YAP1: variants seen among roughly 807,000 people sequenced by gnomAD.
YAP1 encodes transcriptional coactivator YAP1.
In YAP1, 5 loss-of-function variants were observed where a neutral mutation model predicts 56.9. The ratio of observed to expected loss-of-function variants is 0.09; its 90% confidence interval spans 0.05 to 0.18. YAP1 has a LOEUF of 0.18. Ranked by LOEUF, YAP1 falls within the 10% of genes least tolerant of loss-of-function variation. The pLI, the probability that YAP1 is intolerant of heterozygous loss-of-function variation, is 1.00. For missense variants in YAP1, 539 were observed against 651.8 expected, an observed-to-expected ratio of 0.83 and a Z score of 1.88; for synonymous variants, 265 against 248.1, an observed-to-expected ratio of 1.07 and a Z score of -0.64.
intron 2 of YAP1, among the ~76,000 whole-genome samples, chr11:102,160,723 A>G: frequency 6.6e-6 from 1 of 152,172 alleles, no homozygotes; most frequent in Non-Finnish European, 1.5e-5. Flanking sequence ...GTAGTACGAG[A>G]ATTTGCTTAA....
rs895391865 is a variant in YAP1 at position 102,177,669 on chromosome 11, C to T, written c.689-8349C>T. Among the ~76,000 whole-genome samples the T allele has an allele frequency of 3.0e-4, 39 of 132,140 alleles. 1 individual carries two copies. The highest frequency in any genetic ancestry group is 2.2e-3 in the South Asian group (9 of 4,138). The allele number at this position is 132,140 out of a possible 152,430, so 86.7% of individuals were successfully genotyped here. ...TCTAGCCTGGCGACAGAGTGAGACT[C>T]GGTCTCAAAAAAAAAAAAAAAAAAA... On this transcript the variant is annotated intron_variant, in intron 3 of 8. Coordinates refer to ENST00000282441, the MANE Select transcript of YAP1 (RefSeq NM_001130145.3).
intron 3 of YAP1, 28 bp downstream of exon 3, chr11:102,162,599 A>G (rs1946355833): frequency 1.3e-6 from 2 of 1,591,012 alleles, no homozygotes; most frequent in Non-Finnish European, 8.6e-7. Flanking sequence ...ATTACAGCAC[A>G]TGGAGTAATG....
chr11:102,123,646 C>T (rs7120744), intron 2 of YAP1, among the ~76,000 whole-genome samples: 141,727 of 142,220 alleles, frequency 1, 70,622 homozygotes, highest in African/African-American at 1. Context: ...TTTTTTTTTT[C>T]TTTTTTTTTT....
At chr11:102,165,015 G>A (rs1327974469) in intron 3 of YAP1, among the ~76,000 whole-genome samples, 2 of 152,142 alleles carry the variant, frequency 1.3e-5, no homozygotes, top group Non-Finnish European at 2.9e-5. Flanking sequence ...GAGCCACCAT[G>A]TCCAGCCGGT....
intron 4 of YAP1, among the ~76,000 whole-genome samples, chr11:102,193,355 T>A (rs557877024): frequency 6.6e-6 from 1 of 152,226 alleles, no homozygotes; most frequent in African/African-American, 2.4e-5. Context: ...TAGGATATAT[T>A]CTAAAAAGTA....
intron 3 of YAP1, among the ~76,000 whole-genome samples, chr11:102,167,608 C>T (rs2135423176): frequency 6.6e-6 from 1 of 152,306 alleles, no homozygotes; most frequent in African/African-American, 2.4e-5. Flanking sequence ...GTGGTGCACG[C>T]CTGTAGTCTC....
intron 2 of YAP1, among the ~76,000 whole-genome samples, chr11:102,126,848 A>G (rs556791931): frequency 6.6e-6 from 1 of 152,294 alleles, no homozygotes; most frequent in South Asian, 2.1e-4. Context: ...TAGTGATGTG[A>G]ACAGTCCAGG....
At chr11:102,208,884 G>A (rs1376481355) in intron 5 of YAP1, among the ~76,000 whole-genome samples, 2 of 152,126 alleles carry the variant, frequency 1.3e-5, no homozygotes, top group Non-Finnish European at 1.5e-5. Flanking sequence ...GATCATCCTG[G>A]GGTTTTTTGG....
At chr11:102,217,416 G>A (rs916325394) in intron 6 of YAP1, among the ~76,000 whole-genome samples, 1 of 152,098 alleles carries the variant, frequency 6.6e-6, no homozygotes, top group African/African-American at 2.4e-5. Context: ...AAGCCAAAAT[G>A]TAGAAATAAC....
At chr11:102,203,154 C>G (rs1467009837) in intron 4 of YAP1, among the ~76,000 whole-genome samples, 1 of 152,150 alleles carries the variant, frequency 6.6e-6, no homozygotes, top group African/African-American at 2.4e-5. Flanking sequence ...GGCTTCATCC[C>G]GTAGTTTCTC....
At chr11:102,170,108 A>G (rs770690388) in intron 3 of YAP1, among the ~76,000 whole-genome samples, 10 of 152,234 alleles carry the variant, frequency 6.6e-5, no homozygotes, top group Admixed American at 1.3e-4. Flanking sequence ...ACTTAGCTGC[A>G]TAATGAAGAT....
At position 102,232,290 on chromosome 11, in the gene YAP1, T is replaced by TGGG. The variant is rs1950459676; in HGVS notation, c.*2351_*2352insGGG. 2.3e-5 allele frequency: 3 copies of TGGG among 128,934 alleles called. No individual in the cohort carries two copies. The highest frequency in any genetic ancestry group is 1.6e-4 in the Admixed American group (2 of 12,322). 8.0% of individuals were successfully genotyped at this position (128,934 alleles called of 1,614,324 possible). A position where few individuals can be genotyped will look rare whatever the true frequency, so the allele number is the denominator to read the frequency against. On this transcript the variant is annotated 3_prime_UTR_variant, in exon 9 of 9. Coordinates refer to ENST00000282441, the MANE Select transcript of YAP1 (RefSeq NM_001130145.3). ...GGGTGGGAAAGTTTGGGGGGGGGGT[T>TGGG]GTGAAGATTTAGGGGGACCTTGATA... is the stretch of plus-strand genomic sequence containing the variant.
chr11:102,214,079 A>G (rs1949549178), intron 6 of YAP1, among the ~76,000 whole-genome samples: 1 of 152,224 alleles, frequency 6.6e-6, no homozygotes, highest in African/African-American at 2.4e-5. Flanking sequence ...TCTGCCTCAA[A>G]AAAAGAAAAT....
intron 3 of YAP1, among the ~76,000 whole-genome samples, chr11:102,176,995 C>T (rs1243783210): frequency 6.6e-6 from 1 of 151,948 alleles, no homozygotes; most frequent in Non-Finnish European, 1.5e-5. Flanking sequence ...GGAGAAGAAA[C>T]TATATGTAGA....
At chr11:102,202,064 G>A (rs1225705345) in intron 4 of YAP1, among the ~76,000 whole-genome samples, 1 of 152,126 alleles carries the variant, frequency 6.6e-6, no homozygotes, top group Non-Finnish European at 1.5e-5. Context: ...CAGAATAACT[G>A]TGCTGGATTA....
At chr11:102,119,031 G>A (rs1484094443) in intron 2 of YAP1, among the ~76,000 whole-genome samples, 2 of 151,740 alleles carry the variant, frequency 1.3e-5, no homozygotes, top group Non-Finnish European at 2.9e-5. Context: ...AGTTCAAATT[G>A]CAATCACGAA....
At chr11:102,134,242 G>T (rs1358728635) in intron 2 of YAP1, among the ~76,000 whole-genome samples, 1 of 151,964 alleles carries the variant, frequency 6.6e-6, no homozygotes, top group Non-Finnish European at 1.5e-5. Flanking sequence ...GACTTGTTAG[G>T]GAAACCTTTT....
At position 102,224,202 on chromosome 11, in the gene YAP1, A is replaced by G. The variant is rs112469918; in HGVS notation, c.1163+450A>G. Among the ~76,000 whole-genome samples, 268 of 152,340 alleles carry G rather than the reference A, an allele frequency of 1.8e-3. 2 individuals carry two copies. Among genetic ancestry groups the G allele is most frequent in the African/African-American group, 5.9e-3 (245 of 41,578 alleles). The stretch of plus-strand genomic sequence containing the variant: ...GTAAGGCCTCATGTTCTTAAGGGCT[A>G]TAGTCCAAGGAGATAAAATGTAAGG... On this transcript the variant is annotated intron_variant, in intron 7 of 8. Coordinates refer to ENST00000282441, the MANE Select transcript of YAP1 (RefSeq NM_001130145.3).
At chr11:102,120,442 A>G (rs995746552) in intron 2 of YAP1, among the ~76,000 whole-genome samples, 1 of 152,222 alleles carries the variant, frequency 6.6e-6, no homozygotes, top group East Asian at 1.9e-4. Context: ...AATAGTGCAA[A>G]TGGCAGTATC....
Sources: gnomAD v4.1 joint callset for allele counts (sites outside exome capture counted in the v4.1 genomes callset) on GRCh38, gnomAD v4.1.1 for gene constraint, MANE v1.5 for transcripts, NCBI Gene and HGNC (gene_info 2026-07-23, HGNC 2026-07-21) for gene names.